The following RASAL2 variants were observed in gnomAD, a reference collection of about 807,000 sequenced individuals.
RASAL2 encodes the protein RAS protein activator like 2, also known as ras GTPase-activating protein nGAP.
Under a neutral mutation model 128.9 loss-of-function variants are expected in RASAL2, and 58 were observed. That is an observed-to-expected ratio of 0.45 (90% CI 0.36 to 0.56). The LOEUF (loss-of-function observed/expected upper bound fraction) is 0.56. Ranked by LOEUF, RASAL2 falls within the 20% of genes least tolerant of loss-of-function variation. The pLI is 0.00. For synonymous variants in RASAL2, 561 were observed against 580.8 expected, an observed-to-expected ratio of 0.97 and a Z score of 0.49; for missense variants, 1,360 against 1,601.6, an observed-to-expected ratio of 0.85 and a Z score of 2.57.
At chr1:178,335,220 C>G (rs1244090927) in intron 3 of RASAL2, among the ~76,000 whole-genome samples, 1 of 151,320 alleles carries the variant, frequency 6.6e-6, no homozygotes, top group Non-Finnish European at 1.5e-5. Context: ...CCATAATTTT[C>G]AAAGGTTTGG....
intron 1 of RASAL2, among the ~76,000 whole-genome samples, chr1:178,280,762 A>G (rs977258380): frequency 6.6e-6 from 1 of 152,148 alleles, no homozygotes. Flanking sequence ...CAGTTTTGCT[A>G]TTAAGATTCT....
intron 3 of RASAL2, among the ~76,000 whole-genome samples, chr1:178,306,740 G>A (rs1668007873): frequency 2.0e-5 from 3 of 151,586 alleles, no homozygotes; most frequent in Admixed American, 2.0e-4. Flanking sequence ...CTTTTTGATG[G>A]GGTTGTTTGT....
intron 1 of RASAL2, among the ~76,000 whole-genome samples, chr1:178,108,681 A>C (rs185986407): frequency 2.0e-5 from 3 of 152,332 alleles, no homozygotes; most frequent in Non-Finnish European, 2.9e-5. Context: ...AAGAATGCAA[A>C]TAGTTATTAT....
chr1:178,411,810 G>T, intron 4 of RASAL2: 1 of 772,194 alleles, frequency 1.3e-6, no homozygotes, highest in Non-Finnish European at 2.4e-6. Flanking sequence ...TGGCCCAGAG[G>T]TGCAAGGAGC....
chr1:178,265,983 C>T (rs1665929865), intron 1 of RASAL2, among the ~76,000 whole-genome samples: 1 of 152,244 alleles, frequency 6.6e-6, no homozygotes, highest in East Asian at 1.9e-4. Flanking sequence ...TTATGAATTA[C>T]CAAAATTTAT....
chr1:178,106,691 A>G (rs1242595486), intron 1 of RASAL2, among the ~76,000 whole-genome samples: 1 of 152,210 alleles, frequency 6.6e-6, no homozygotes, highest in Non-Finnish European at 1.5e-5. Flanking sequence ...AAAAAATGGT[A>G]TCATATGGTG....
intron 4 of RASAL2, chr1:178,411,490 C>T: frequency 1.9e-6 from 1 of 515,260 alleles, no homozygotes; most frequent in Non-Finnish European, 3.5e-6. Context: ...TCTCACAAAT[C>T]ACCACTAAAG....
chr1:178,260,033 C>T (rs1319324355), intron 1 of RASAL2, among the ~76,000 whole-genome samples: 6 of 151,898 alleles, frequency 4.0e-5, no homozygotes, highest in African/African-American at 7.2e-5. Flanking sequence ...GTTTTGCCTT[C>T]GTCACAGATG....
At chr1:178,454,046 G>A (rs757375569) in intron 11 of RASAL2, among the ~76,000 whole-genome samples, 6 of 152,004 alleles carry the variant, frequency 3.9e-5, no homozygotes, top group Non-Finnish European at 8.8e-5. Flanking sequence ...TCTAGTGCAA[G>A]TAAATAGCAT....
At chr1:178,314,102 C>A (rs1372841266) in intron 3 of RASAL2, among the ~76,000 whole-genome samples, 1 of 152,114 alleles carries the variant, frequency 6.6e-6, no homozygotes, top group East Asian at 1.9e-4. Flanking sequence ...GTTTATATTT[C>A]TGCCGATGAA....
At position 178,351,653 on chromosome 1, in the gene RASAL2, C is replaced by T. The variant is rs182806882; in HGVS notation, c.458-38447C>T. 3.6e-3 allele frequency among the ~76,000 whole-genome samples: 544 copies of T among 151,200 alleles called. 12 individuals are homozygous for T. Among genetic ancestry groups the T allele is most frequent in the East Asian group, 9.7e-4 (5 of 5,160 alleles). ...CTGAGGCAGAAGAGTGGCGTGAACC[C>T]GTGAGGCAGAGCTTGCAGTGAGCCA... is the stretch of plus-strand genomic sequence containing the variant. On this transcript the variant is annotated intron_variant, in intron 3 of 17. Coordinates refer to ENST00000367649, the MANE Select transcript of RASAL2 (RefSeq NM_170692.4).
At chr1:178,324,467 C>T (rs1668939761) in intron 3 of RASAL2, among the ~76,000 whole-genome samples, 1 of 151,552 alleles carries the variant, frequency 6.6e-6, no homozygotes, top group Non-Finnish European at 1.5e-5. Context: ...AGCATTCTAT[C>T]TCTGTATCTT....
chr1:178,447,009 GAAC>G (rs1194345005), intron 9 of RASAL2, among the ~76,000 whole-genome samples: 2 of 152,108 alleles, frequency 1.3e-5, no homozygotes, highest in Non-Finnish European at 2.9e-5. Flanking sequence ...AGAAACATGT[GAAC>G]AACAACAACA....
chr1:178,207,142 C>A lies in RASAL2; in HGVS notation c.203-76422C>A, dbSNP rs528292442. 1.8e-4 allele frequency among the ~76,000 whole-genome samples: 18 copies of A among 97,962 alleles called. 1 individual carries two copies. Among genetic ancestry groups the A allele is most frequent in the Admixed American group, 8.0e-4 (6 of 7,524 alleles). 64.3% of individuals were successfully genotyped at this position (97,962 alleles called of 152,430 possible). A position where few individuals can be genotyped will look rare whatever the true frequency, so the allele number is the denominator to read the frequency against. On this transcript the variant is annotated intron_variant, in intron 1 of 17. Coordinates refer to ENST00000367649, the MANE Select transcript of RASAL2 (RefSeq NM_170692.4). ...GGCTGCAGTGGGTGACAGAGTGAGA[C>A]CTTGTCTCAAAAAAAAAAAAAAAAA...
At chr1:178,101,598 C>T (rs1316239184) in intron 1 of RASAL2, among the ~76,000 whole-genome samples, 2 of 152,114 alleles carry the variant, frequency 1.3e-5, no homozygotes, top group East Asian at 1.9e-4. Context: ...TAACAAAATT[C>T]GGAAGAGTAG....
chr1:178,155,463 A>G (rs1001411815), intron 1 of RASAL2, among the ~76,000 whole-genome samples: 1 of 138,364 alleles, frequency 7.2e-6, no homozygotes, highest in Non-Finnish European at 1.6e-5. Context: ...ATAAACCAGC[A>G]AAAAAAAAAA....
chr1:178,342,613 C>T (rs1467188927), intron 3 of RASAL2, among the ~76,000 whole-genome samples: 4 of 152,104 alleles, frequency 2.6e-5, no homozygotes, highest in Non-Finnish European at 4.4e-5. Context: ...TTAGTTTGTA[C>T]GCTGCTTTTA....
At chr1:178,457,643 TTGTC>T (rs1677869204) in intron 13 of RASAL2, 36 bp from the exon 14 acceptor site, 2 of 1,584,736 alleles carry the variant, frequency 1.3e-6, no homozygotes, top group Non-Finnish European at 1.7e-6. Context: ...CATGTTGAAG[TTGTC>T]TCAAGAGAAA....
intron 1 of RASAL2, among the ~76,000 whole-genome samples, chr1:178,244,231 A>G (rs1664657072): frequency 6.6e-6 from 1 of 151,994 alleles, no homozygotes; most frequent in African/African-American, 2.4e-5. Context: ...TGTACTTGGT[A>G]AACTTTTATT....
Sources: gnomAD v4.1 joint callset for allele counts (sites outside exome capture counted in the v4.1 genomes callset) on GRCh38, gnomAD v4.1.1 for gene constraint, MANE v1.5 for transcripts, NCBI Gene and HGNC (gene_info 2026-07-23, HGNC 2026-07-21) for gene names.